TMEM273: variants seen among roughly 807,000 people sequenced by gnomAD.
TMEM273 encodes chromosome 10 open reading frame 128.
A neutral mutation model predicts 17.9 loss-of-function variants in TMEM273; 19 were observed. That is an observed-to-expected ratio of 1.06 (90% CI 0.74 to 1.55). The LOEUF (loss-of-function observed/expected upper bound fraction) is 1.55. Ranked by LOEUF, TMEM273 falls within the 40% of genes most tolerant of loss-of-function variation. TMEM273 has a pLI of 0.00. For synonymous variants in TMEM273, 66 were observed against 62.0 expected (o/e 1.07, Z -0.31); for missense variants, 194 against 155.6 (o/e 1.25, Z -1.31).
intron 5 of TMEM273, among the ~76,000 whole-genome samples, chr10:49,162,353 GCA>G (rs961107431): frequency 1.5e-4 from 23 of 151,950 alleles, no homozygotes; most frequent in Non-Finnish European, 5.9e-5. Context: ...GGCAATACAT[GCA>G]CACACACACA....
intron 5 of TMEM273, among the ~76,000 whole-genome samples, chr10:49,162,952 T>C (rs918853037): frequency 6.6e-6 from 1 of 152,088 alleles, no homozygotes. Flanking sequence ...GATTCCATGG[T>C]GGGAGATGCT....
chr10:49,156,277 G>T (rs1262420401), intron 6 of TMEM273: 7 of 1,330,080 alleles, frequency 5.3e-6, no homozygotes, highest in Non-Finnish European at 7.0e-6. Context: ...GAACAAGATA[G>T]ATAGACCTAT....
At chr10:49,162,094 T>C (rs1393621279) in intron 5 of TMEM273, among the ~76,000 whole-genome samples, 1 of 152,184 alleles carries the variant, frequency 6.6e-6, no homozygotes, top group Non-Finnish European at 1.5e-5. Context: ...ATAGCCCTGA[T>C]AGCTCAAAAT....
intron 1 of TMEM273, chr10:49,178,151 G>C: frequency 2.2e-6 from 1 of 457,196 alleles, no homozygotes; most frequent in South Asian, 1.5e-5. Flanking sequence ...TCCTCCCAGG[G>C]CTCATCAAGC....
intron 1 of TMEM273, among the ~76,000 whole-genome samples, chr10:49,177,918 C>T (rs979167895): frequency 6.6e-6 from 1 of 152,196 alleles, no homozygotes; most frequent in Non-Finnish European, 1.5e-5. Context: ...CCACACACTG[C>T]TTGCCTCAGG....
intron 4 of TMEM273, among the ~76,000 whole-genome samples, chr10:49,165,556 G>A (rs1258993069): frequency 2.6e-5 from 4 of 152,188 alleles, no homozygotes; most frequent in East Asian, 1.9e-4. Flanking sequence ...TCCCTTTGAC[G>A]GCTGTAGCCT....
intron 5 of TMEM273, among the ~76,000 whole-genome samples, chr10:49,162,068 A>T (rs1023537994): frequency 6.6e-6 from 1 of 152,190 alleles, no homozygotes; most frequent in Admixed American, 6.5e-5. Context: ...TTCCTGGATT[A>T]TGGAAAATGC....
At chr10:49,166,823 C>A in intron 3 of TMEM273, 46 bp downstream of exon 3, 3 of 1,609,750 alleles carry the variant, frequency 1.9e-6, no homozygotes, top group Non-Finnish European at 2.5e-6. Flanking sequence ...GCCCTCGGTG[C>A]CTCGCTGGGT....
chr10:49,159,699 A>AAG (rs1204518062), intron 6 of TMEM273, among the ~76,000 whole-genome samples: 2 of 149,092 alleles, frequency 1.3e-5, no homozygotes, highest in East Asian at 2.0e-4. Flanking sequence ...ATTAAAATAA[A>AAG]AGAGAGAGAG....
chr10:49,181,821 GA>G (rs926664727), intron 1 of TMEM273, among the ~76,000 whole-genome samples: 15 of 133,404 alleles, frequency 1.1e-4, no homozygotes, highest in South Asian at 2.8e-4. Flanking sequence ...CACAGTCCAC[GA>G]AAAAAAAGAT....
At chr10:49,183,170 C>T (rs1847453102) in intron 1 of TMEM273, among the ~76,000 whole-genome samples, 1 of 151,980 alleles carries the variant, frequency 6.6e-6, no homozygotes, top group African/African-American at 2.4e-5. Context: ...TTTATTGGAT[C>T]CTTTGAAAAT....
intron 6 of TMEM273, among the ~76,000 whole-genome samples, chr10:49,158,412 C>T (rs1023301556): frequency 1.3e-5 from 2 of 152,098 alleles, no homozygotes; most frequent in Non-Finnish European, 2.9e-5. Context: ...TGGGACCTCC[C>T]CCAGCTCCCG....
Position 49,155,729 on chromosome 10 carries a change from C to A in TMEM273, c.*163G>T. The A allele has an allele frequency of 1.1e-6, 1 of 927,478 alleles. No homozygotes were observed. Among genetic ancestry groups the A allele is most frequent in the Non-Finnish European group, 1.7e-6 (1 of 605,020 alleles). The allele number at this position is 927,478 out of a possible 1,614,324, so 57.5% of individuals were successfully genotyped here. On this transcript the variant is annotated 3_prime_UTR_variant, in exon 7 of 7. Transcript: ENST00000374153. Reference sequence around the variant, plus strand: ...ATGATATTTTCCTTCAGGACAGAGGCACTGTATATTCTATTCCTTCTATTA... The same window carrying A: ...ATGATATTTTCCTTCAGGACAGAGGAACTGTATATTCTATTCCTTCTATTA...
At chr10:49,168,850 G>A (rs542226144) in intron 1 of TMEM273, among the ~76,000 whole-genome samples, 4 of 152,254 alleles carry the variant, frequency 2.6e-5, no homozygotes, top group Admixed American at 1.3e-4. Context: ...GTGATCCAGA[G>A]GTGAGGTCCT....
Position 49,161,548 on chromosome 10 carries a change from C to T in TMEM273, c.372+51G>A, listed in dbSNP as rs756840394. 2.1e-5 allele frequency: 34 copies of T among 1,613,136 alleles called. No homozygotes were observed. In the African/African-American group the frequency reaches 4.1e-4, roughly 20 times the overall value. On this transcript the variant is annotated intron_variant, in intron 6 of 6. Coordinates refer to ENST00000374153, the MANE Select transcript of TMEM273 (RefSeq NM_001288740.3). ...CGAAAACCCATGCAGCCCCATGGGGCAGAGACTGCCTGTCCTCCTTTTAAG... is the reference window on the plus strand; with the variant it reads ...CGAAAACCCATGCAGCCCCATGGGGTAGAGACTGCCTGTCCTCCTTTTAAG...
Position 49,155,820 on chromosome 10 carries a change from T to C in TMEM273, c.*72A>G. On this transcript the variant is annotated 3_prime_UTR_variant, in exon 7 of 7. Transcript: ENST00000374153. ...GCCTTGGGTGTTTGAATGCAGAACA[T>C]CCTGAGATGTTAACCATGGGCTGTT... The C allele has an allele frequency of 6.2e-7, 1 of 1,612,604 alleles. No individual in the cohort carries two copies. Among genetic ancestry groups the C allele is most frequent in the Non-Finnish European group, 8.5e-7 (1 of 1,179,042 alleles).
At chr10:49,163,145 G>A (rs942864700) in intron 5 of TMEM273, among the ~76,000 whole-genome samples, 3 of 152,172 alleles carry the variant, frequency 2.0e-5, no homozygotes, top group Non-Finnish European at 4.4e-5. Flanking sequence ...GGGGAAGGGA[G>A]GGGTGTGAAG....
In TMEM273 at chr10:49,165,247, G is replaced by A. The variant is rs1396392537; in HGVS notation, c.306C>T (p.Ser102=). The A allele has an allele frequency of 6.4e-7, 1 of 1,550,570 alleles. No individual in the cohort carries two copies. Among genetic ancestry groups the A allele is most frequent in the South Asian group, 1.2e-5 (1 of 84,064 alleles). ...LQASTLFSFK[S]LLQCHHCIME... is the part of the protein sequence containing the mutation. Reference sequence around the variant, plus strand: ...TGATGCAGTGGTGACACTGAAGCAGGGATTTGAAGGAAAAGAGGGTCGAGG... The same window carrying A: ...TGATGCAGTGGTGACACTGAAGCAGAGATTTGAAGGAAAAGAGGGTCGAGG... Residue 102 remains serine (S), a synonymous_variant, in exon 5 of 7, where the codon TCC becomes TCT. Coordinates refer to ENST00000374153, the MANE Select transcript of TMEM273 (RefSeq NM_001288740.3).
chr10:49,168,541 C>T (rs1254232353), intron 1 of TMEM273, among the ~76,000 whole-genome samples: 2 of 152,264 alleles, frequency 1.3e-5, no homozygotes, highest in East Asian at 3.9e-4. Context: ...AAGCTTCTCA[C>T]ATATTAACAC....
Sources: allele counts gnomAD v4.1 joint callset (sites outside exome capture counted in the v4.1 genomes callset), GRCh38; gene constraint gnomAD v4.1.1; transcripts MANE v1.5; gene names NCBI Gene and HGNC (gene_info 2026-07-23, HGNC 2026-07-21).